KMT2C: variants seen among roughly 807,000 people sequenced by gnomAD.
KMT2C encodes the protein lysine methyltransferase 2C, also known as histone-lysine N-methyltransferase 2C.
KMT2C carries 88 observed loss-of-function variants against 507.9 expected under a neutral mutation model. That is an observed-to-expected ratio of 0.17 (90% CI 0.15 to 0.21). The LOEUF is 0.21. Among genes scored for constraint, KMT2C ranks in the 10% least tolerant of loss-of-function variants. The probability of loss-of-function intolerance (pLI) is 1.00; values close to 1 mark genes in which losing one functional copy is unlikely to be tolerated. For missense variants in KMT2C, 4,954 were observed against 5,957.8 expected (o/e 0.83, Z 5.55); for synonymous variants, 2,049 against 2,080.8 (o/e 0.98, Z 0.42).
At chr7:152,388,939 G>C (rs1443200337) in intron 1 of KMT2C, among the ~76,000 whole-genome samples, 1 of 151,916 alleles carries the variant, frequency 6.6e-6, no homozygotes, top group Non-Finnish European at 1.5e-5. Context: ...GTAGAGACAG[G>C]GTTTCTCCGT....
intron 34 of KMT2C, among the ~76,000 whole-genome samples, chr7:152,184,161 TAAAGA>T (rs930805705): frequency 1.5e-4 from 22 of 147,432 alleles, no homozygotes; most frequent in African/African-American, 5.7e-4. Flanking sequence ...AACGTATCAT[TAAAGA>T]AATCACTTAA....
At chr7:152,215,201 T>C (rs1250138302) in intron 23 of KMT2C, among the ~76,000 whole-genome samples, 3 of 152,034 alleles carry the variant, frequency 2.0e-5, no homozygotes, top group African/African-American at 4.8e-5. Flanking sequence ...AGGTGATTCA[T>C]TGTACTATTC....
intron 23 of KMT2C, among the ~76,000 whole-genome samples, chr7:152,218,136 T>A (rs1297725770): frequency 6.6e-6 from 1 of 152,162 alleles, no homozygotes; most frequent in Non-Finnish European, 1.5e-5. Context: ...ACAAAAATTA[T>A]CAAGAACATA....
intron 9 of KMT2C, among the ~76,000 whole-genome samples, chr7:152,253,252 G>A (rs1170110287): frequency 1.3e-5 from 2 of 151,748 alleles, no homozygotes; most frequent in Non-Finnish European, 2.9e-5. Flanking sequence ...AAGGGAATGG[G>A]GATATCCAGG....
chr7:152,316,219 A>G (rs550914268), intron 3 of KMT2C, among the ~76,000 whole-genome samples: 3 of 152,288 alleles, frequency 2.0e-5, no homozygotes, highest in South Asian at 4.1e-4. Flanking sequence ...ACCATTTTAT[A>G]TGATACTATA....
At chr7:152,373,553 C>T (rs2097306749) in intron 1 of KMT2C, among the ~76,000 whole-genome samples, 1 of 152,106 alleles carries the variant, frequency 6.6e-6, no homozygotes, top group Non-Finnish European at 1.5e-5. Flanking sequence ...TGTCATTAAG[C>T]TAAGTGATAA....
chr7:152,143,028 T>G, intron 55 of KMT2C, among the ~76,000 whole-genome samples: 1 of 152,030 alleles, frequency 6.6e-6, no homozygotes, highest in East Asian at 1.9e-4. Context: ...AGGTGACAGG[T>G]TGAACACAGT....
intron 27 of KMT2C, among the ~76,000 whole-genome samples, chr7:152,197,048 G>C (rs1262933898): frequency 2.0e-5 from 3 of 152,150 alleles, no homozygotes; most frequent in African/African-American, 7.2e-5. Flanking sequence ...TATTTTAAAG[G>C]GAACATACTG....
chr7:152,349,396 A>G (rs2097091929), intron 2 of KMT2C, among the ~76,000 whole-genome samples: 1 of 151,292 alleles, frequency 6.6e-6, no homozygotes, highest in South Asian at 2.1e-4. Context: ...GTGGGCCAAG[A>G]TCACACCATT....
Position 152,136,246 on chromosome 7 carries a change from G to T in KMT2C, c.*586C>A. Reference sequence around the variant, plus strand: ...GACTCATGGAATCAAGTATTTAAATGTATTTAGTGCAAGTTATTATCCCTT... The same window carrying T: ...GACTCATGGAATCAAGTATTTAAATTTATTTAGTGCAAGTTATTATCCCTT... On this transcript the variant is annotated 3_prime_UTR_variant, in exon 59 of 59. Transcript: ENST00000262189. The T allele has an allele frequency of 4.7e-6, 1 of 212,500 alleles. No individual in the cohort carries two copies. Among genetic ancestry groups the T allele is most frequent in the East Asian group, 7.2e-5 (1 of 13,936 alleles). The allele number at this position is 212,500 out of a possible 1,614,324, so 13.2% of individuals were successfully genotyped here.
chr7:152,201,693 G>A (rs1355453184), intron 26 of KMT2C, among the ~76,000 whole-genome samples: 6 of 137,130 alleles, frequency 4.4e-5, no homozygotes, highest in East Asian at 2.1e-4. Context: ...TTAAATGATC[G>A]TTTAAAAAAA....
chr7:152,300,123 C>T (rs533339519), intron 6 of KMT2C, among the ~76,000 whole-genome samples: 1 of 152,160 alleles, frequency 6.6e-6, no homozygotes. Context: ...ATATACTATA[C>T]AACACTCTTA....
At chr7:152,237,066 T>C (rs2095288811) in intron 15 of KMT2C, among the ~76,000 whole-genome samples, 1 of 152,168 alleles carries the variant, frequency 6.6e-6, no homozygotes, top group South Asian at 2.1e-4. Flanking sequence ...CTCACCCTTG[T>C]TTGTACTAAT....
At chr7:152,307,309 G>GGAAGGA (rs2096629367) in intron 6 of KMT2C, among the ~76,000 whole-genome samples, 1 of 126,062 alleles carries the variant, frequency 7.9e-6, no homozygotes, top group Non-Finnish European at 1.6e-5. Flanking sequence ...AAGGAAGGAA[G>GGAAGGA]ACGAAGGACA....
At chr7:152,207,946 C>T (rs1313526829) in intron 23 of KMT2C, among the ~76,000 whole-genome samples, 1 of 152,162 alleles carries the variant, frequency 6.6e-6, no homozygotes, top group East Asian at 1.9e-4. Flanking sequence ...AATCTCTTTC[C>T]TCCTACAACC....
intron 2 of KMT2C, among the ~76,000 whole-genome samples, chr7:152,348,087 A>C (rs935234073): frequency 6.6e-6 from 1 of 152,226 alleles, no homozygotes; most frequent in African/African-American, 2.4e-5. Flanking sequence ...AAATTTGATA[A>C]CCTAGATGAA....
chr7:152,164,358 C>T (rs957400935), intron 42 of KMT2C, among the ~76,000 whole-genome samples: 10 of 150,352 alleles, frequency 6.7e-5, no homozygotes, highest in Non-Finnish European at 7.4e-5. Flanking sequence ...GGCGCGATCT[C>T]GGCTCACTGC....
At chr7:152,256,920 C>G (rs1297767447) in intron 9 of KMT2C, among the ~76,000 whole-genome samples, 1 of 152,084 alleles carries the variant, frequency 6.6e-6, no homozygotes, top group Non-Finnish European at 1.5e-5. Context: ...TGCAAAGTAC[C>G]ATAAGCCCCA....
At chr7:152,373,283 G>A (rs1460407254) in intron 1 of KMT2C, among the ~76,000 whole-genome samples, 2 of 152,074 alleles carry the variant, frequency 1.3e-5, no homozygotes, top group Admixed American at 6.6e-5. Flanking sequence ...ACTCCATGAA[G>A]ACTAGAAATT....
Sources: allele counts gnomAD v4.1 joint callset (sites outside exome capture counted in the v4.1 genomes callset), GRCh38; gene constraint gnomAD v4.1.1; transcripts MANE v1.5; gene names NCBI Gene and HGNC (gene_info 2026-07-23, HGNC 2026-07-21).